FASN: variants seen among roughly 807,000 people sequenced by gnomAD.
The protein encoded by FASN is fatty acid synthase.
In FASN, 50 loss-of-function variants were observed where a neutral mutation model predicts 250.0. The observed-to-expected ratio is 0.20, with a 90% CI of 0.16 to 0.25. The LOEUF is 0.25. Ranked by LOEUF, FASN falls within the 10% of genes least tolerant of loss-of-function variation. FASN has a pLI of 1.00. For synonymous variants in FASN, 1,909 were observed against 1,584.0 expected (o/e 1.21, Z -4.87); for missense variants, 3,031 against 3,498.5 (o/e 0.87, Z 3.37).
intron 11 of FASN, among the ~76,000 whole-genome samples, 171 bp downstream of exon 11, chr17:82,090,204 G>C (rs981023561): frequency 1.3e-5 from 2 of 152,230 alleles, no homozygotes; most frequent in African/African-American, 2.4e-5. Flanking sequence ...TGTGGGGCCA[G>C]TGGGGCAGCT....
In FASN at chr17:82,078,812, C is replaced by A. The variant is rs2144776215; in HGVS notation, c.*331G>T. 6.9e-6 allele frequency: 3 copies of A among 432,948 alleles called. No individual in the cohort carries two copies. The highest frequency in any genetic ancestry group is 4.3e-5 in the South Asian group (2 of 46,476). The allele number at this position is 432,948 out of a possible 1,614,324, so 26.8% of individuals were successfully genotyped here. On this transcript the variant is annotated 3_prime_UTR_variant, in exon 43 of 43. Coordinates refer to ENST00000306749, the MANE Select transcript of FASN (RefSeq NM_004104.5). The surrounding 1 kb of genome is among the most constrained non-coding windows in gnomAD (Gnocchi z 5.4). ...GGCCTGGGGGTCTCTACCAGCAATG[C>A]AATAAATATGCAAATCCAAGCACAG...
Position 82,089,066 on chromosome 17 carries a change from A to C in FASN, c.2207T>G (p.Val736Gly). Residue 736 changes from valine to glycine, a missense_variant, in exon 14 of 43, where the codon GTC becomes GGC. Physicochemically the swap from Val to Gly is moderately radical, Grantham distance 109. Coordinates refer to ENST00000306749, the MANE Select transcript of FASN (RefSeq NM_004104.5). The part of the protein sequence containing the change: ...LARTSSAEYN[V>G]NNLVSPVLFQ... The stretch of plus-strand genomic sequence containing the variant: ...CAGCACAGGGCTCACCAGGTTGTTG[A>C]CATTGTACTCGGCGGAGGACGTGCG... 6.3e-7 allele frequency: 1 copy of C among 1,596,520 alleles called. No homozygotes were observed. The highest frequency in any genetic ancestry group is 8.5e-7 in the Non-Finnish European group (1 of 1,172,618).
At chr17:82,089,224 G>A (rs778485709) in intron 13 of FASN, 26 bp downstream of exon 13, 24 of 1,610,694 alleles carry the variant, frequency 1.5e-5, no homozygotes, top group Admixed American at 3.3e-5. Flanking sequence ...GGCCCGCCCC[G>A]CACCCCCCAG....
Position 82,090,427 on chromosome 17 carries a change from C to G in FASN, c.1818G>C (p.Arg606Ser). 6.2e-7 allele frequency: 1 copy of G among 1,602,670 alleles called. No homozygotes were observed. The highest frequency in any genetic ancestry group is 8.5e-7 in the Non-Finnish European group (1 of 1,175,794). ...GATGGGCTTCTTTGATGCACTGTCCCCTCCAGTAGGCAGCGAGGACGGCCT... is the reference window on the plus strand; with the variant it reads ...GATGGGCTTCTTTGATGCACTGTCCGCTCCAGTAGGCAGCGAGGACGGCCT... The part of the protein sequence containing the change: ...QEEAVLAAYW[R>S]GQCIKEAHLP... The change falls in exon 11 of 43, where the codon AGG (arginine) becomes AGC (serine). Residue 606 changes from arginine (R) to serine (S), a missense_variant. Arg to Ser is a moderately radical substitution (Grantham distance 110, BLOSUM62 -1). Coordinates refer to ENST00000306749, the MANE Select transcript of FASN (RefSeq NM_004104.5).
intron 16 of FASN, 32 bp downstream of exon 16, chr17:82,088,358 A>G: frequency 1.9e-6 from 3 of 1,611,204 alleles, no homozygotes; most frequent in Non-Finnish European, 2.5e-6. Context: ...TGGGGAGGGA[A>G]GAGTCTGCCC....
intron 11 of FASN, 85 bp from the exon 12 acceptor site, chr17:82,089,811 G>A (rs2034171629): frequency 9.2e-6 from 11 of 1,190,638 alleles, no homozygotes; most frequent in Non-Finnish European, 1.2e-5. Flanking sequence ...CCTGCAGCTG[G>A]GGGCAGTAAT....
intron 26 of FASN, 30 bp from the exon 27 acceptor site, chr17:82,084,746 G>T (rs755156790): frequency 6.5e-7 from 1 of 1,549,886 alleles, no homozygotes; most frequent in Non-Finnish European, 8.7e-7. Flanking sequence ...GGGCTGCTGC[G>T]GGGCCTTCGG....
intron 35 of FASN, 21 bp downstream of exon 35, chr17:82,082,302 G>A (rs1568105971): frequency 6.2e-7 from 1 of 1,611,270 alleles, no homozygotes; most frequent in Non-Finnish European, 8.5e-7. Flanking sequence ...AGAGGCGGGA[G>A]CAGGGCTGTG....
At chr17:82,089,439 C>T (rs1346620496) in intron 12 of FASN, 55 bp from the exon 13 acceptor site, 160 of 1,612,166 alleles carry the variant, frequency 9.9e-5, no homozygotes, top group South Asian at 7.0e-4. Context: ...ACCTCAGGCT[C>T]GGAGAGGTAG....
At position 82,079,193 on chromosome 17, in the gene FASN, T is replaced by C. The variant is rs558513103; in HGVS notation, c.7486A>G (p.Ile2496Val). ...EGSGLESIIS[I>V]IHSSLAEPRV... ...GGCTCAGCCAGGGAGCTGTGGATGA[T>C]GCTGATGATGGACTCCAGGCCGCTG... The change falls in exon 43 of 43, where the codon ATC becomes GTC. Residue 2496 changes from isoleucine to valine, a missense_variant. Transcript: ENST00000306749. The C allele has an allele frequency of 1.9e-6, 3 of 1,612,860 alleles. No homozygotes were observed. Among genetic ancestry groups the C allele is most frequent in the East Asian group, 2.2e-5 (1 of 44,874 alleles).
In FASN at chr17:82,083,067, G is replaced by C; in HGVS notation, c.5614C>G (p.Leu1872Val). 4 of 1,612,142 alleles carry C rather than the reference G, an allele frequency of 2.5e-6. No homozygotes were observed. The highest frequency in any genetic ancestry group is 1.3e-5 in the African/African-American group (1 of 75,048). Residue 1872 changes from leucine to valine, a missense_variant, in exon 33 of 43, where the codon CTG becomes GTG. Transcript: ENST00000306749. ...EAVLKGAKPK[L>V]MSAISKTFCP... ...AAGGTCTTGGAGATGGCCGACATCAGCTTGGGTTTGGCCCCCTTCAGCACT... is the reference window on the plus strand; with the variant it reads ...AAGGTCTTGGAGATGGCCGACATCACCTTGGGTTTGGCCCCCTTCAGCACT...
At position 82,093,750 on chromosome 17, in the gene FASN, C is replaced by T. The variant is rs753070845; in HGVS notation, c.302G>A (p.Arg101Gln). ...CACCCAGACGCCAGTGTGTGTTCCTCGGAGTGAATCTGGGTTGATGCCTGC... is the reference window on the plus strand; with the variant it reads ...CACCCAGACGCCAGTGTGTGTTCCTTGGAGTGAATCTGGGTTGATGCCTGC... ...VDGGINPDSLRGTHTGVWVGV... is the reference protein window; with the variant it reads ...VDGGINPDSLQGTHTGVWVGV... Residue 101 changes from arginine to glutamine, a missense_variant, in exon 4 of 43, where the codon CGA becomes CAA. Coordinates refer to ENST00000306749, the MANE Select transcript of FASN (RefSeq NM_004104.5). The T allele has an allele frequency of 1.9e-6, 3 of 1,612,600 alleles. No homozygotes were observed. Among genetic ancestry groups the T allele is most frequent in the Non-Finnish European group, 2.5e-6 (3 of 1,179,888 alleles).
Position 82,084,096 on chromosome 17 carries a change from C to T in FASN, c.4977G>A (p.Leu1659=). ...CGGGGCGCACCCGCCCACGCACCAC[C>T]AGCGCGTAGTAGGCCGTGCTGTAGA... The part of the protein sequence containing the change: ...PVVYSTAYYA[L]VVRGRVRPGE... Residue 1659 remains leucine, a synonymous_variant, in exon 29 of 43, where the codon CTG becomes CTA. Coordinates refer to ENST00000306749, the MANE Select transcript of FASN (RefSeq NM_004104.5). 1 of 1,567,288 alleles carries T rather than the reference C, an allele frequency of 6.4e-7. No individual in the cohort carries two copies. Among genetic ancestry groups the T allele is most frequent in the Non-Finnish European group, 8.6e-7 (1 of 1,157,594 alleles).
Position 82,085,256 on chromosome 17 carries a change from G to T in FASN, c.4269C>A (p.Arg1423=), listed in dbSNP as rs1485988404. ...IFLPVDDTSF[R]WVESLKGILA... The stretch of plus-strand genomic sequence containing the variant: ...GCCTGACCTTCAGAGACTCCACCCA[G>T]CGGAAGCTGGTATCGTCCACCGGCA... The change falls in exon 24 of 43, where the codon CGC becomes CGA. Residue 1423 remains arginine, a synonymous_variant. Coordinates refer to ENST00000306749, the MANE Select transcript of FASN (RefSeq NM_004104.5). 5 of 1,611,662 alleles carry T rather than the reference G, an allele frequency of 3.1e-6. No individual in the cohort carries two copies. The highest frequency in any genetic ancestry group is 4.2e-6 in the Non-Finnish European group (5 of 1,179,550).
Position 82,085,881 on chromosome 17 carries a change from G to T in FASN, c.3733-10C>A, listed in dbSNP as rs370668474. The stretch of plus-strand genomic sequence containing the variant: ...CGTGGCCAGCCAGCACCTGTAGGGG[G>T]TGAATTCTGGAATCAGCCCCACACC... On this transcript the variant is annotated splice_polypyrimidine_tract_variant and intron_variant, in intron 22 of 42. Coordinates refer to ENST00000306749, the MANE Select transcript of FASN (RefSeq NM_004104.5). The T allele has an allele frequency of 2.0e-6, 3 of 1,525,806 alleles. No homozygotes were observed. Among genetic ancestry groups the T allele is most frequent in the African/African-American group, 2.7e-5 (2 of 73,210 alleles). The allele number at this position is 1,525,806 out of a possible 1,614,324, so 94.5% of individuals were successfully genotyped here.
At position 82,092,602 on chromosome 17, in the gene FASN, T is replaced by A; in HGVS notation, c.895-13A>T. 1 of 1,479,298 alleles carries A rather than the reference T, an allele frequency of 6.8e-7. No homozygotes were observed. 91.6% of individuals were successfully genotyped at this position (1,479,298 alleles called of 1,614,324 possible). A position where few individuals can be genotyped will look rare whatever the true frequency, so the allele number is the denominator to read the frequency against. On this transcript the variant is annotated splice_polypyrimidine_tract_variant and intron_variant, in intron 7 of 42. Coordinates refer to ENST00000306749, the MANE Select transcript of FASN (RefSeq NM_004104.5). ...GGGGGTCGCCCACCTGTGGGAAACA[T>A]GGGGGGTGAGGGGCTCTGGCCAGGT...
Position 82,091,338 on chromosome 17 carries a change from G to A in FASN, c.1376C>T (p.Ala459Val), listed in dbSNP as rs375823481. Residue 459 changes from alanine to valine, a missense_variant, in exon 9 of 43, where the codon GCT (alanine) becomes GTT (valine). Coordinates refer to ENST00000306749, the MANE Select transcript of FASN (RefSeq NM_004104.5). ...GAAGGGCATGGCGGTGGCGGGGACA[G>A]CCGCGATGTCGTTCAGCATGCTCAG... The part of the protein sequence containing the change: ...AFLSMLNDIA[A>V]VPATAMPFRG... 2.5e-6 allele frequency: 4 copies of A among 1,610,160 alleles called. No homozygotes were observed. Among genetic ancestry groups the A allele is most frequent in the African/African-American group, 2.7e-5 (2 of 74,902 alleles).
Position 82,092,698 on chromosome 17 carries a change from T to G in FASN, c.893A>C (p.Lys298Thr). ...TGGGGCGGGGGGGGGGGGCATCACC[T>G]TGGTGCCTGTGCCGTGGGCTTCGAT... ...EYIEAHGTGT[K>T]VGDPQELNGI... The change falls in exon 7 of 43, where the codon AAG becomes ACG. Residue 298 changes from lysine (K) to threonine (T), a missense_variant and splice_region_variant. Lys to Thr is a moderately conservative substitution (Grantham distance 78, BLOSUM62 -1). Transcript: ENST00000306749. The G allele has an allele frequency of 2.5e-6, 4 of 1,575,700 alleles. No individual in the cohort carries two copies. The highest frequency in any genetic ancestry group is 1.4e-5 in the African/African-American group (1 of 73,524).
Position 82,098,195 on chromosome 17 carries a change from C to T in FASN, c.-82G>A. 2.7e-6 allele frequency: 1 copy of T among 365,632 alleles called. No homozygotes were observed. The highest frequency in any genetic ancestry group is 4.9e-6 in the Non-Finnish European group (1 of 204,728). 22.6% of individuals were successfully genotyped at this position (365,632 alleles called of 1,614,324 possible). The stretch of plus-strand genomic sequence containing the variant: ...CGCGGCGGAGCGGGAGGCTGAAGCG[C>T]GGCGGAGAGGGAGGCCGGGGCCGCT... On this transcript the variant is annotated 5_prime_UTR_variant, in exon 1 of 43. Coordinates refer to ENST00000306749, the MANE Select transcript of FASN (RefSeq NM_004104.5).
Sources: allele counts gnomAD v4.1 joint callset (sites outside exome capture counted in the v4.1 genomes callset), GRCh38; gene constraint gnomAD v4.1.1; non-coding constraint Gnocchi (gnomAD v3.1); transcripts MANE v1.5; gene names NCBI Gene and HGNC (gene_info 2026-07-23, HGNC 2026-07-21).